The following KIF11 variants were observed in gnomAD, a reference collection of about 807,000 sequenced individuals.
The protein encoded by KIF11 is kinesin-like protein KIF11.
A neutral mutation model predicts 121.0 loss-of-function variants in KIF11; 9 were observed. The observed-to-expected ratio is 0.07, with a 90% CI of 0.04 to 0.13. The LOEUF (loss-of-function observed/expected upper bound fraction) is 0.13, where lower values mean the gene tolerates loss of function less well. Ranked by LOEUF, KIF11 falls within the 10% of genes least tolerant of loss-of-function variation. The probability of loss-of-function intolerance (pLI) is 1.00; values close to 1 mark genes in which losing one functional copy is unlikely to be tolerated. For missense variants in KIF11, 846 were observed against 1,217.5 expected (o/e 0.69, Z 4.54); for synonymous variants, 408 against 421.0 (o/e 0.97, Z 0.38).
At chr10:92,599,044 C>T (rs574787129) in intron 1 of KIF11, among the ~76,000 whole-genome samples, 33 of 148,488 alleles carry the variant, frequency 2.2e-4, no homozygotes, top group African/African-American at 7.9e-4. Flanking sequence ...TCCCAAAGTG[C>T]TGGGATTATA....
At chr10:92,628,679 T>C (rs1844703203) in intron 10 of KIF11, 129 bp from the exon 11 acceptor site, 1 of 515,302 alleles carries the variant, frequency 1.9e-6, no homozygotes, top group Admixed American at 3.6e-5. Flanking sequence ...CAAGTGACAC[T>C]TGGGTATCAA....
chr10:92,637,968 A>G (rs1292098215), intron 16 of KIF11, among the ~76,000 whole-genome samples: 1 of 152,224 alleles, frequency 6.6e-6, no homozygotes, highest in Non-Finnish European at 1.5e-5. Flanking sequence ...ACTGATAGAC[A>G]TTTAAAACAT....
At chr10:92,625,663 T>G (rs1844668481) in intron 10 of KIF11, among the ~76,000 whole-genome samples, 1 of 152,102 alleles carries the variant, frequency 6.6e-6, no homozygotes, top group African/African-American at 2.4e-5. Flanking sequence ...GTATATGATT[T>G]TATACTTAGA....
intron 8 of KIF11, among the ~76,000 whole-genome samples, chr10:92,614,021 T>TACACACACACAC (rs71028831): frequency 3.7e-4 from 47 of 127,054 alleles, no homozygotes; most frequent in African/African-American, 1.2e-3. Flanking sequence ...AGTATGTGTA[T>TACACACACACAC]ACACACACAC....
chr10:92,605,465 T>C (rs1844418550), intron 1 of KIF11, among the ~76,000 whole-genome samples: 1 of 150,740 alleles, frequency 6.6e-6, no homozygotes, highest in Non-Finnish European at 1.5e-5. Flanking sequence ...TACTACATCA[T>C]AACCTAATTT....
chr10:92,601,004 C>G (rs530896117), intron 1 of KIF11, among the ~76,000 whole-genome samples: 57 of 151,172 alleles, frequency 3.8e-4, no homozygotes, highest in African/African-American at 1.1e-3. Flanking sequence ...GGATTACATG[C>G]ACATGCCACC....
chr10:92,621,197 A>G (rs904623663), intron 9 of KIF11, among the ~76,000 whole-genome samples, 188 bp from the exon 10 acceptor site: 5 of 152,182 alleles, frequency 3.3e-5, no homozygotes, highest in East Asian at 1.9e-4. Flanking sequence ...TTTAAAAAGG[A>G]GCTTTGAAAG....
intron 17 of KIF11, among the ~76,000 whole-genome samples, chr10:92,643,644 C>T (rs2135922474): frequency 6.7e-6 from 1 of 149,172 alleles, no homozygotes; most frequent in South Asian, 2.1e-4. Context: ...GCAACCTCTG[C>T]CTCCCAGGTT....
At chr10:92,620,078 C>CTTTTTTTTTTTTTTTTTTTTT in intron 9 of KIF11, among the ~76,000 whole-genome samples, 1 of 125,494 alleles carries the variant, frequency 8.0e-6, no homozygotes, top group Non-Finnish European at 1.7e-5. Flanking sequence ...GGTTCTTTGT[C>CTTTTTTTTTTTTTTTTTTTTT]TTTTTTTTTT....
chr10:92,621,325 C>T lies in KIF11; in HGVS notation c.1129-60C>T, dbSNP rs983245685. On this transcript the variant is annotated intron_variant, in intron 9 of 21. Coordinates refer to ENST00000260731, the MANE Select transcript of KIF11 (RefSeq NM_004523.4). ...ACTTTACATTTTATTTGTTGCATGT[C>T]CTTCCCAAACTGAATGAAAAAAGTA... is the stretch of plus-strand genomic sequence containing the variant. 13 of 939,990 alleles carry T rather than the reference C, an allele frequency of 1.4e-5. No individual in the cohort carries two copies. The Admixed American group carries it at 2.7e-4, about 19-fold the overall frequency. 58.2% of individuals were successfully genotyped at this position (939,990 alleles called of 1,614,324 possible). A position where few individuals can be genotyped will look rare whatever the true frequency, so the allele number is the denominator to read the frequency against.
intron 8 of KIF11, among the ~76,000 whole-genome samples, chr10:92,616,217 T>G (rs1024085964): frequency 2.7e-5 from 4 of 149,412 alleles, no homozygotes; most frequent in Admixed American, 6.7e-5. Flanking sequence ...GTTTTTTTGT[T>G]TTTTTTTTTT....
intron 2 of KIF11, 103 bp downstream of exon 2, chr10:92,606,500 C>T: frequency 8.2e-7 from 1 of 1,214,248 alleles, no homozygotes. Context: ...TCAGTTGTCT[C>T]TGAATTGTCA....
chr10:92,648,456 A>C, intron 19 of KIF11, 22 bp downstream of exon 19: 1 of 1,470,118 alleles, frequency 6.8e-7, no homozygotes, highest in Non-Finnish European at 9.3e-7. Flanking sequence ...GAGAAATAGA[A>C]TTGTTAAATT....
At chr10:92,624,397 AT>A (rs767433280) in intron 10 of KIF11, among the ~76,000 whole-genome samples, 148 of 144,596 alleles carry the variant, frequency 1.0e-3, no homozygotes, top group East Asian at 3.6e-3. Flanking sequence ...TGCCCAGCAA[AT>A]TTTTTTTTTT....
intron 8 of KIF11, among the ~76,000 whole-genome samples, chr10:92,616,462 G>T (rs1391711938): frequency 1.3e-5 from 2 of 151,994 alleles, no homozygotes; most frequent in Admixed American, 6.6e-5. Flanking sequence ...GGCCTCCAAA[G>T]TGCTGGAATT....
intron 18 of KIF11, among the ~76,000 whole-genome samples, chr10:92,647,568 G>A (rs1363330580): frequency 1.3e-5 from 2 of 152,184 alleles, no homozygotes; most frequent in Non-Finnish European, 2.9e-5. Context: ...TTGATAGGAA[G>A]GAATCAGTGT....
intron 9 of KIF11, 71 bp downstream of exon 9, chr10:92,616,903 G>GAAAA: frequency 3.6e-6 from 3 of 843,562 alleles, no homozygotes; most frequent in Middle Eastern, 3.4e-4. Context: ...TGAAGTGGGA[G>GAAAA]ATAATAGTTA....
At chr10:92,650,960 T>C (rs956856316) in intron 21 of KIF11, among the ~76,000 whole-genome samples, 1 of 152,134 alleles carries the variant, frequency 6.6e-6, no homozygotes, top group African/African-American at 2.4e-5. Flanking sequence ...TCTTCTCTTG[T>C]AAACTGTTGC....
intron 19 of KIF11, among the ~76,000 whole-genome samples, chr10:92,648,818 A>C (rs113546202): frequency 6.6e-6 from 1 of 152,168 alleles, no homozygotes; most frequent in Non-Finnish European, 1.5e-5. Flanking sequence ...TGTCCCTCTC[A>C]TTTTGTCATA....
Sources: allele counts gnomAD v4.1 joint callset (sites outside exome capture counted in the v4.1 genomes callset), GRCh38; gene constraint gnomAD v4.1.1; transcripts MANE v1.5; gene names NCBI Gene and HGNC (gene_info 2026-07-23, HGNC 2026-07-21).